SOS1: variants seen among roughly 807,000 people sequenced by gnomAD.
The protein encoded by SOS1 is son of sevenless homolog 1.
SOS1 carries 25 observed loss-of-function variants against 157.6 expected under a neutral mutation model. The observed-to-expected ratio is 0.16, with a 90% CI of 0.12 to 0.22. The LOEUF (loss-of-function observed/expected upper bound fraction) is 0.22, where lower values mean the gene tolerates loss of function less well. Among genes scored for constraint, SOS1 ranks in the 10% least tolerant of loss-of-function variants. The pLI is 1.00. For missense variants in SOS1, 1,237 were observed against 1,599.1 expected, an observed-to-expected ratio of 0.77 and a Z score of 3.86; for synonymous variants, 528 against 534.0, an observed-to-expected ratio of 0.99 and a Z score of 0.16.
At chr2:39,111,434 A>G (rs1673432647) in intron 1 of SOS1, among the ~76,000 whole-genome samples, 1 of 152,236 alleles carries the variant, frequency 6.6e-6, no homozygotes, top group South Asian at 2.1e-4. Flanking sequence ...AAACTTTATC[A>G]CAAGACAAAA....
Position 39,120,400 on chromosome 2 carries a change from T to A in SOS1, c.23A>T (p.Tyr8Phe), listed in dbSNP as rs781093356. The stretch of plus-strand genomic sequence containing the variant: ...CGCGTTCTCTTCGCTGAAAAACTCG[T>A]AGGGCAGCTGCTGCGCCTGCATGGT... MQAQQLP[Y>F]EFFSEENAPK... Residue 8 changes from tyrosine (Y) to phenylalanine (F), a missense_variant, in exon 1 of 23, where the codon TAC becomes TTC. Coordinates refer to ENST00000402219, the MANE Select transcript of SOS1 (RefSeq NM_005633.4). 3.8e-6 allele frequency: 6 copies of A among 1,599,354 alleles called. No individual in the cohort carries two copies. Among genetic ancestry groups the A allele is most frequent in the Non-Finnish European group, 4.3e-6 (5 of 1,174,386 alleles).
At chr2:38,992,695 T>C (rs769811483) in intron 20 of SOS1, 1 of 152,174 alleles carries the variant, frequency 6.6e-6, no homozygotes, top group Non-Finnish European at 1.5e-5. Context: ...GTGGTTTCAA[T>C]AGTTCACTTA....
chr2:39,030,582 T>TG (rs1208211465), intron 8 of SOS1, among the ~76,000 whole-genome samples: 1 of 151,890 alleles, frequency 6.6e-6, no homozygotes, highest in Non-Finnish European at 1.5e-5. Flanking sequence ...AAAAGAGGGA[T>TG]GGGGGTGTTA....
chr2:39,039,977 A>G (rs1461445723), intron 6 of SOS1, among the ~76,000 whole-genome samples: 3 of 152,048 alleles, frequency 2.0e-5, no homozygotes, highest in Admixed American at 6.6e-5. Flanking sequence ...AAGTTCATCC[A>G]TGTTGTAGCA....
chr2:38,989,311 T>C lies in SOS1; in HGVS notation c.3350A>G (p.Asn1117Ser), dbSNP rs754314057. Residue 1117 changes from asparagine (N) to serine (S), a missense_variant, in exon 21 of 23, where the codon AAT becomes AGT. Asn to Ser is a conservative substitution (Grantham distance 46, BLOSUM62 1). Transcript: ENST00000402219. ...SDHSSPFHSS[N>S]DTVFIQVTLP... ...AGTAACTTGGATAAAGACGGTATCA[T>C]TGCCTGTGAAAGGAAACAAGAAAAA... 44 of 1,604,594 alleles carry C rather than the reference T, an allele frequency of 2.7e-5. No individual in the cohort carries two copies. The highest frequency in any genetic ancestry group is 4.0e-5 in the African/African-American group (3 of 74,726).
At chr2:39,026,111 C>G (rs866085050) in intron 8 of SOS1, among the ~76,000 whole-genome samples, 11 of 152,248 alleles carry the variant, frequency 7.2e-5, no homozygotes, top group African/African-American at 2.4e-4. Context: ...AATCCCAGCA[C>G]TTTGGGAGGC....
At chr2:39,026,749 T>C (rs1470181871) in intron 8 of SOS1, among the ~76,000 whole-genome samples, 1 of 152,172 alleles carries the variant, frequency 6.6e-6, no homozygotes, top group Non-Finnish European at 1.5e-5. Context: ...TAATCTAACA[T>C]TGAAAGCTAT....
At chr2:39,104,459 C>T (rs754515778) in intron 1 of SOS1, among the ~76,000 whole-genome samples, 2 of 152,028 alleles carry the variant, frequency 1.3e-5, no homozygotes, top group Non-Finnish European at 2.9e-5. Flanking sequence ...AAGAAAATAG[C>T]AAGTGTGGGC....
rs114926205 is a variant in SOS1, at chr2:39,052,624, C to G, written c.721-1337G>C. 3.8e-3 allele frequency among the ~76,000 whole-genome samples: 580 copies of G among 152,254 alleles called. 4 individuals carry two copies. The highest frequency in any genetic ancestry group is 0.013 in the African/African-American group (544 of 41,556). On this transcript the variant is annotated intron_variant, in intron 5 of 22. Coordinates refer to ENST00000402219, the MANE Select transcript of SOS1 (RefSeq NM_005633.4). ...TGCACCCATGCTGTTGCACGCATAA[C>G]TATTTCTTTTTATTCCTGAGTAGCA...
At chr2:39,026,440 AAG>A (rs369010795) in intron 8 of SOS1, among the ~76,000 whole-genome samples, 44 of 152,306 alleles carry the variant, frequency 2.9e-4, no homozygotes, top group Admixed American at 8.5e-4. Flanking sequence ...TCCAAAGGAT[AAG>A]AGACTTTAAA....
At chr2:39,088,263 C>T (rs942085863) in intron 1 of SOS1, among the ~76,000 whole-genome samples, 4 of 144,070 alleles carry the variant, frequency 2.8e-5, no homozygotes, top group Non-Finnish European at 4.5e-5. Context: ...ATTCTGGGCC[C>T]GACCACTAGA....
chr2:39,026,823 C>T (rs1031616222), intron 8 of SOS1, among the ~76,000 whole-genome samples: 1 of 152,118 alleles, frequency 6.6e-6, no homozygotes, highest in Admixed American at 6.5e-5. Flanking sequence ...TATCTTGGGC[C>T]ACACATAAAA....
intron 1 of SOS1, among the ~76,000 whole-genome samples, chr2:39,117,216 G>C (rs1006908580): frequency 2.0e-5 from 3 of 152,152 alleles, no homozygotes; most frequent in Middle Eastern, 6.8e-3. Context: ...TTTTAGTAGA[G>C]ATGGGGTTTC....
chr2:39,110,538 G>T (rs1036687446), intron 1 of SOS1, among the ~76,000 whole-genome samples: 2 of 150,714 alleles, frequency 1.3e-5, no homozygotes, highest in Non-Finnish European at 3.0e-5. Flanking sequence ...GCCCTGCTCT[G>T]CAAGGAGCAA....
chr2:39,106,855 C>G (rs918718963), intron 1 of SOS1, among the ~76,000 whole-genome samples: 2 of 152,176 alleles, frequency 1.3e-5, no homozygotes, highest in East Asian at 3.8e-4. Flanking sequence ...TGGTTTGCCT[C>G]AAGTACTCCT....
At chr2:39,046,018 G>A (rs1311654871) in intron 6 of SOS1, among the ~76,000 whole-genome samples, 2 of 152,058 alleles carry the variant, frequency 1.3e-5, no homozygotes, top group Non-Finnish European at 2.9e-5. Context: ...GGCCTAAAGT[G>A]AATTTTTAAA....
chr2:39,078,744 C>A (rs1672102535), intron 1 of SOS1, among the ~76,000 whole-genome samples: 1 of 152,034 alleles, frequency 6.6e-6, no homozygotes, highest in Non-Finnish European at 1.5e-5. Context: ...TTGTCTTCCA[C>A]AAAACCAGTC....
intron 1 of SOS1, among the ~76,000 whole-genome samples, chr2:39,116,310 T>C (rs933523971): frequency 6.6e-5 from 10 of 152,224 alleles, no homozygotes; most frequent in Admixed American, 2.0e-4. Flanking sequence ...ACTATTCCTG[T>C]TCCATTACCA....
At chr2:39,037,814 T>C (rs941113489) in intron 6 of SOS1, among the ~76,000 whole-genome samples, 2 of 152,200 alleles carry the variant, frequency 1.3e-5, no homozygotes, top group African/African-American at 2.4e-5. Context: ...AAATCTACTC[T>C]GGGTGTGCCC....
Sources: allele counts gnomAD v4.1 joint callset (sites outside exome capture counted in the v4.1 genomes callset), GRCh38; gene constraint gnomAD v4.1.1; transcripts MANE v1.5; gene names NCBI Gene and HGNC (gene_info 2026-07-23, HGNC 2026-07-21).